Variants in HP1BP3 observed in about 807,000 individuals in gnomAD.
HP1BP3 encodes heterochromatin protein 1 binding protein 3, also known as heterochromatin protein 1-binding protein 3.
Under a neutral mutation model 62.5 loss-of-function variants are expected in HP1BP3, and 12 were observed. The ratio of observed to expected loss-of-function variants is 0.19; its 90% CI spans 0.12 to 0.31. HP1BP3 has a LOEUF of 0.31. Among genes scored for constraint, HP1BP3 ranks in the 10% least tolerant of loss-of-function variants. The pLI, the probability that HP1BP3 is intolerant of heterozygous loss-of-function variation, is 1.00. For missense variants in HP1BP3, 502 were observed against 651.8 expected (o/e 0.77, Z 2.50); for synonymous variants, 260 against 237.8 (o/e 1.09, Z -0.86).
At chr1:20,778,899 T>C (rs1360281555) in intron 3 of HP1BP3, among the ~76,000 whole-genome samples, 2 of 151,928 alleles carry the variant, frequency 1.3e-5, no homozygotes, top group African/African-American at 4.8e-5. Context: ...AAGCAATTCT[T>C]GTGCCTCAGC....
chr1:20,768,793 C>T (rs927063853), intron 6 of HP1BP3, among the ~76,000 whole-genome samples: 3 of 151,976 alleles, frequency 2.0e-5, no homozygotes, highest in African/African-American at 7.3e-5. Context: ...TGAGCTGAGA[C>T]CATGCCATTG....
intron 4 of HP1BP3, chr1:20,775,501 T>C (rs1356910568): frequency 3.3e-5 from 5 of 152,370 alleles, no homozygotes; most frequent in South Asian, 2.1e-4. Flanking sequence ...ATAAAAACTT[T>C]TTAGTTTTAA....
At position 20,744,681 on chromosome 1, in the gene HP1BP3, G is replaced by T; in HGVS notation, c.*116C>A. ...TTTATTTAGAGTCCCTCCCCACAAT[G>T]TTCATAGGGGAGGAAAATAATGTAA... On this transcript the variant is annotated 3_prime_UTR_variant, in exon 13 of 13. Transcript: ENST00000438032. 2.0e-6 allele frequency: 2 copies of T among 1,001,556 alleles called. No homozygotes were observed. The highest frequency in any genetic ancestry group is 2.9e-6 in the Non-Finnish European group (2 of 690,104). The allele number at this position is 1,001,556 out of a possible 1,614,324, so 62.0% of individuals were successfully genotyped here. A position where few individuals can be genotyped will look rare whatever the true frequency, so the allele number is the denominator to read the frequency against.
At chr1:20,768,175 G>A (rs1307661230) in intron 6 of HP1BP3, among the ~76,000 whole-genome samples, 1 of 152,250 alleles carries the variant, frequency 6.6e-6, no homozygotes, top group East Asian at 1.9e-4. Flanking sequence ...GGCTGGGCGC[G>A]GTGGCTCATG....
At chr1:20,771,359 G>C (rs1361269501) in intron 5 of HP1BP3, among the ~76,000 whole-genome samples, 2 of 152,158 alleles carry the variant, frequency 1.3e-5, no homozygotes, top group African/African-American at 4.8e-5. Context: ...ATTCCATTCT[G>C]TATTTAGAAG....
rs1335559337 is a variant in HP1BP3, at chr1:20,744,640, C to A, written c.*157G>T. 1.6e-5 allele frequency: 11 copies of A among 671,660 alleles called. No individual in the cohort carries two copies. The Admixed American group carries it at 3.4e-4, about 21-fold the overall frequency. The allele number at this position is 671,660 out of a possible 1,614,324, so 41.6% of individuals were successfully genotyped here. On this transcript the variant is annotated 3_prime_UTR_variant, in exon 13 of 13. Transcript: ENST00000438032. ...CACCAATAAAAGCACCTAAAGCTAG[C>A]AAATGCCTAAACTGGTTTATTTAGA...
chr1:20,751,035 T>C (rs904557443), intron 9 of HP1BP3, among the ~76,000 whole-genome samples: 1 of 151,986 alleles, frequency 6.6e-6, no homozygotes, highest in African/African-American at 2.4e-5. Flanking sequence ...CAGGCTAGTC[T>C]CGAACTCCAG....
rs1266727948 is a variant in HP1BP3, at chr1:20,749,793, C to T, written c.1071G>A (p.Lys357=). The change falls in exon 10 of 13, where the codon AAG becomes AAA. Residue 357 remains lysine, a synonymous_variant. Transcript: ENST00000438032. ...LSAIAAMNEP[K]TCSTTALKKY... Reference sequence around the variant, plus strand: ...TCTTCAGAGCAGTGGTAGAGCAGGTCTTCGGCTCATTCATGGCAGCAATGG... The same window carrying T: ...TCTTCAGAGCAGTGGTAGAGCAGGTTTTCGGCTCATTCATGGCAGCAATGG... The T allele has an allele frequency of 6.2e-7, 1 of 1,613,906 alleles. No homozygotes were observed. The highest frequency in any genetic ancestry group is 8.5e-7 in the Non-Finnish European group (1 of 1,179,904).
intron 11 of HP1BP3, among the ~76,000 whole-genome samples, chr1:20,746,186 A>ATGTGTGTG (rs35710978): frequency 2.7e-4 from 38 of 143,138 alleles, no homozygotes; most frequent in African/African-American, 6.2e-4. Flanking sequence ...ACATACATAT[A>ATGTGTGTG]TGTGTGTGTG....
Position 20,761,871 on chromosome 1 carries a change from T to C in HP1BP3, c.890+3506A>G, listed in dbSNP as rs548950321. ...TCCTGGAAGGCAAGTGAAGAAAATG[T>C]TTCAAGCAGGTAGGAGTCATCAACT... On this transcript the variant is annotated intron_variant, in intron 8 of 12. Coordinates refer to ENST00000438032, the MANE Select transcript of HP1BP3 (RefSeq NM_001372052.1). Among the ~76,000 whole-genome samples, 97 of 152,200 alleles carry C rather than the reference T, an allele frequency of 6.4e-4. 3 individuals carry two copies. In the South Asian group the frequency reaches 0.018, roughly 29 times the overall value.
intron 9 of HP1BP3, among the ~76,000 whole-genome samples, chr1:20,752,783 T>C (rs1244778923): frequency 6.6e-6 from 1 of 152,234 alleles, no homozygotes; most frequent in African/African-American, 2.4e-5. Context: ...AATTATTTTA[T>C]TAAATCTCAA....
intron 8 of HP1BP3, 71 bp downstream of exon 8, chr1:20,765,306 T>C (rs1172253344): frequency 2.0e-6 from 2 of 1,008,102 alleles, no homozygotes; most frequent in Non-Finnish European, 2.9e-6. Flanking sequence ...TTAATCTATC[T>C]CTTTTCCCAT....
chr1:20,767,449 A>G, intron 7 of HP1BP3, 135 bp downstream of exon 7: 1 of 722,970 alleles, frequency 1.4e-6, no homozygotes, highest in Non-Finnish European at 2.5e-6. Flanking sequence ...CAAATTATTT[A>G]TAACTTCCCT....
Position 20,745,528 on chromosome 1 carries a change from T to A in HP1BP3, c.1367+15A>T. 3.1e-6 allele frequency: 5 copies of A among 1,613,398 alleles called. No individual in the cohort carries two copies. The highest frequency in any genetic ancestry group is 4.2e-6 in the Non-Finnish European group (5 of 1,179,764). ...TTTAGTGTCCTCCCCACAAGGGGTTTTCACATGTCCACACCTTCTCTTAGG... is the reference window on the plus strand; with the variant it reads ...TTTAGTGTCCTCCCCACAAGGGGTTATCACATGTCCACACCTTCTCTTAGG... On this transcript the variant is annotated intron_variant, in intron 12 of 12. Coordinates refer to ENST00000438032, the MANE Select transcript of HP1BP3 (RefSeq NM_001372052.1).
In HP1BP3 at chr1:20,741,604, G is replaced by A. The variant is rs543539844; in HGVS notation, c.*3193C>T. On this transcript the variant is annotated 3_prime_UTR_variant, in exon 13 of 13. Transcript: ENST00000438032. ...GAATCCATGTGCAATGAATGCTTCTGTCATAGTGCTAAGGAAAGGTCTCCA... is the reference window on the plus strand; with the variant it reads ...GAATCCATGTGCAATGAATGCTTCTATCATAGTGCTAAGGAAAGGTCTCCA... Among the ~76,000 whole-genome samples the A allele has an allele frequency of 6.6e-6, 1 of 152,190 alleles. No individual in the cohort carries two copies. Among genetic ancestry groups the A allele is most frequent in the Non-Finnish European group, 1.5e-5 (1 of 68,040 alleles).
At chr1:20,757,419 T>C (rs574105534) in intron 8 of HP1BP3, among the ~76,000 whole-genome samples, 163 bp from the exon 9 acceptor site, 1 of 151,490 alleles carries the variant, frequency 6.6e-6, no homozygotes, top group Non-Finnish European at 1.5e-5. Context: ...TTGCCCAGGC[T>C]GGAGTGCAAT....
rs181868016 is a variant in HP1BP3, at chr1:20,751,144, C to T, written c.982-1262G>A. On this transcript the variant is annotated intron_variant, in intron 9 of 12. Coordinates refer to ENST00000438032, the MANE Select transcript of HP1BP3 (RefSeq NM_001372052.1). ...TATTTCCTCTTTCTTAAGATTTTCT[C>T]AATAACATTTTCTTTTCTCTAGCTT... Among the ~76,000 whole-genome samples the T allele has an allele frequency of 2.6e-5, 4 of 152,124 alleles. No homozygotes were observed. In the East Asian group the frequency reaches 7.7e-4, roughly 29 times the overall value.
At chr1:20,785,140 T>C (rs2057763371) in intron 1 of HP1BP3, among the ~76,000 whole-genome samples, 1 of 152,130 alleles carries the variant, frequency 6.6e-6, no homozygotes, top group Admixed American at 6.6e-5. Context: ...CTCTAACTCC[T>C]GGATTCAAGC....
In HP1BP3 at chr1:20,780,257, G is replaced by C. The variant is rs1350334826; in HGVS notation, c.96+88C>G. The C allele has an allele frequency of 3.3e-6, 3 of 914,594 alleles. No individual in the cohort carries two copies. The African/African-American group carries it at 4.9e-5, about 15-fold the overall frequency. 56.7% of individuals were successfully genotyped at this position (914,594 alleles called of 1,614,324 possible). ...CACAACCTAGACTCCCCAAAGTAAG[G>C]GAAGGAACATGTACCAAGAAGGACC... On this transcript the variant is annotated intron_variant, in intron 2 of 12. Coordinates refer to ENST00000438032, the MANE Select transcript of HP1BP3 (RefSeq NM_001372052.1).
Sources: gnomAD v4.1 joint callset for allele counts (sites outside exome capture counted in the v4.1 genomes callset) on GRCh38, gnomAD v4.1.1 for gene constraint, MANE v1.5 for transcripts, NCBI Gene and HGNC (gene_info 2026-07-23, HGNC 2026-07-21) for gene names.